NTM: variants seen among roughly 807,000 people sequenced by gnomAD.
The protein encoded by NTM is neurotrimin.
In NTM, 13 loss-of-function variants were observed where a neutral mutation model predicts 42.1. The observed-to-expected ratio is 0.31, with a 90% confidence interval of 0.20 to 0.49. The LOEUF is 0.49. Ranked by LOEUF, NTM falls within the 20% of genes least tolerant of loss-of-function variation. NTM has a pLI of 0.99. For synonymous variants in NTM, 187 were observed against 179.2 expected, an observed-to-expected ratio of 1.04 and a Z score of -0.35; for missense variants, 373 against 452.8, an observed-to-expected ratio of 0.82 and a Z score of 1.60.
rs2095869734 is a variant in NTM at position 132,336,022 on chromosome 11, C to T, written c.*876C>T. The T allele has an allele frequency of 6.6e-6, 1 of 152,656 alleles. No homozygotes were observed. Among genetic ancestry groups the T allele is most frequent in the African/African-American group, 2.4e-5 (1 of 41,458 alleles). The allele number at this position is 152,656 out of a possible 1,614,324, so 9.5% of individuals were successfully genotyped here. ...CAAAAAATGCATCCGATTTAACCAA[C>T]ATCTCCACCAGCGCTACGGACTCCT... is the stretch of plus-strand genomic sequence containing the variant. On this transcript the variant is annotated 3_prime_UTR_variant, in exon 9 of 9. Transcript: ENST00000683400.
chr11:132,009,679 T>A (rs1188736164), intron 2 of NTM, among the ~76,000 whole-genome samples: 2 of 152,242 alleles, frequency 1.3e-5, no homozygotes. Flanking sequence ...ATAAGACTGC[T>A]TCCAAGGAAA....
intron 2 of NTM, among the ~76,000 whole-genome samples, chr11:132,093,436 C>T (rs543163658): frequency 1.3e-5 from 2 of 152,304 alleles, no homozygotes; most frequent in South Asian, 2.1e-4. Context: ...TTCATTGTTC[C>T]ATCCAACAGA....
Position 132,315,163 on chromosome 11 carries a change from A to ATGTT in NTM, c.934+463_934+466dup, listed in dbSNP as rs889454399. On this transcript the variant is annotated intron_variant, in intron 7 of 8. Transcript: ENST00000683400. ...AAAATAGTCAAGAACTCAGAGGGGA[A>ATGTT]TGTTTGCTATTTCAGTCTTTGCTTA... The ATGTT allele has an allele frequency of 3.6e-5, 29 of 806,768 alleles. No individual in the cohort carries two copies. The African/African-American group carries it at 4.5e-4, about 12-fold the overall frequency. The allele number at this position is 806,768 out of a possible 1,614,324, so 50.0% of individuals were successfully genotyped here.
intron 4 of NTM, among the ~76,000 whole-genome samples, chr11:132,237,704 C>T (rs113735241): frequency 0.046 from 6,970 of 152,248 alleles, 207 homozygotes; most frequent in Non-Finnish European, 0.068. Context: ...CTGTCCTCCC[C>T]TGTAAATCAG....
At chr11:132,236,107 C>T (rs936205587) in intron 4 of NTM, among the ~76,000 whole-genome samples, 11 of 151,980 alleles carry the variant, frequency 7.2e-5, no homozygotes, top group African/African-American at 2.7e-4. Context: ...AAAATGATTT[C>T]GTTGTCATTG....
At chr11:132,029,268 C>T (rs1423982057) in intron 2 of NTM, among the ~76,000 whole-genome samples, 1 of 151,748 alleles carries the variant, frequency 6.6e-6, no homozygotes, top group African/African-American at 2.4e-5. Flanking sequence ...TATACATGTG[C>T]CATGTTGGTG....
intron 1 of NTM, among the ~76,000 whole-genome samples, chr11:131,733,506 CCTTCCTTCCTTCCTTT>C (rs1426210202): frequency 5.5e-5 from 8 of 144,774 alleles, no homozygotes; most frequent in South Asian, 2.3e-4. Context: ...TTCCTTCCTT[CCTTCCTTCCTTCCTTT>C]CTTTCTTTCT....
intron 1 of NTM, among the ~76,000 whole-genome samples, chr11:131,853,497 GGTTTT>G (rs1488005795): frequency 1.3e-5 from 2 of 152,180 alleles, no homozygotes; most frequent in African/African-American, 4.8e-5. Context: ...TGCGGTATTT[GGTTTT>G]ATGTTCCTGC....
intron 1 of NTM, among the ~76,000 whole-genome samples, chr11:131,566,277 C>G (rs747269768): frequency 1.3e-5 from 2 of 152,164 alleles, no homozygotes; most frequent in Admixed American, 6.5e-5. Flanking sequence ...ATGCATTTGT[C>G]TGTTCTTGCT....
At position 131,861,297 on chromosome 11, in the gene NTM, T is replaced by C. The variant is rs75420744; in HGVS notation, c.83-50267T>C. On this transcript the variant is annotated intron_variant, in intron 1 of 8. Transcript: ENST00000683400. ...AAAGACTTTAGACCAATGTGACCTG[T>C]GGTATAATTGCACAATTTCAAGCAG... 8.7e-4 allele frequency among the ~76,000 whole-genome samples: 132 copies of C among 152,240 alleles called. 2 individuals are homozygous for C. The East Asian group carries it at 0.023, about 27-fold the overall frequency.
intron 4 of NTM, among the ~76,000 whole-genome samples, chr11:132,300,679 A>T (rs983145710): frequency 3.3e-5 from 5 of 152,186 alleles, no homozygotes; most frequent in Non-Finnish European, 7.3e-5. Flanking sequence ...GGTAGCTCCC[A>T]TGTCCCCAGC....
intron 1 of NTM, among the ~76,000 whole-genome samples, chr11:131,405,937 T>G (rs1185171491): frequency 6.6e-6 from 1 of 152,248 alleles, no homozygotes; most frequent in East Asian, 1.9e-4. Flanking sequence ...CCAGATCTGC[T>G]GCTGCTGGCT....
intron 1 of NTM, among the ~76,000 whole-genome samples, chr11:131,553,270 C>T (rs1051308943): frequency 5.3e-5 from 8 of 152,074 alleles, no homozygotes; most frequent in Non-Finnish European, 1.0e-4. Flanking sequence ...CATCAAGCTG[C>T]ACATCTATAT....
intron 1 of NTM, among the ~76,000 whole-genome samples, chr11:131,834,566 C>A (rs368506205): frequency 1.3e-4 from 19 of 149,218 alleles, no homozygotes; most frequent in Non-Finnish European, 2.2e-4. Context: ...TCATAATAAT[C>A]ATCATCATCA....
intron 4 of NTM, among the ~76,000 whole-genome samples, chr11:132,220,359 A>C (rs1274850073): frequency 6.6e-6 from 1 of 152,240 alleles, no homozygotes; most frequent in Non-Finnish European, 1.5e-5. Flanking sequence ...CATTCTCTTT[A>C]ACTGTAAAAT....
At chr11:132,056,911 C>T (rs1406035785) in intron 2 of NTM, among the ~76,000 whole-genome samples, 1 of 152,214 alleles carries the variant, frequency 6.6e-6, no homozygotes, top group Non-Finnish European at 1.5e-5. Context: ...GAATGAGTCA[C>T]CACCAGCTGT....
At chr11:131,580,835 A>T (rs2058342874) in intron 1 of NTM, among the ~76,000 whole-genome samples, 1 of 152,166 alleles carries the variant, frequency 6.6e-6, no homozygotes, top group Admixed American at 6.5e-5. Context: ...TTTTAGTCCC[A>T]CTGTGTTTGG....
intron 1 of NTM, among the ~76,000 whole-genome samples, chr11:131,453,387 A>G (rs1950623566): frequency 6.6e-6 from 1 of 152,174 alleles, no homozygotes; most frequent in African/African-American, 2.4e-5. Flanking sequence ...CATTTTTAGG[A>G]GGCTTGGGGA....
At chr11:131,982,422 A>T (rs995370036) in intron 2 of NTM, among the ~76,000 whole-genome samples, 3 of 152,144 alleles carry the variant, frequency 2.0e-5, no homozygotes, top group East Asian at 1.9e-4. Context: ...GATGGCAGGA[A>T]TGGAGAGACA....
Sources: allele counts gnomAD v4.1 joint callset (sites outside exome capture counted in the v4.1 genomes callset), GRCh38; gene constraint gnomAD v4.1.1; transcripts MANE v1.5; gene names NCBI Gene and HGNC (gene_info 2026-07-23, HGNC 2026-07-21).